Variants in ATL1 observed in about 807,000 individuals in gnomAD.
ATL1 encodes atlastin GTPase 1.
ATL1 carries 31 observed loss-of-function variants against 75.5 expected under a neutral mutation model. The ratio of observed to expected loss-of-function variants is 0.41; its 90% CI spans 0.31 to 0.55. The LOEUF (loss-of-function observed/expected upper bound fraction) is 0.55, where lower values mean the gene tolerates loss of function less well. ATL1 is among the 20% of genes least tolerant of loss of function. The pLI is 0.27. For synonymous variants in ATL1, 226 were observed against 233.3 expected (o/e 0.97, Z 0.28); for missense variants, 405 against 662.6 (o/e 0.61, Z 4.27).
intron 1 of ATL1, among the ~76,000 whole-genome samples, chr14:50,562,549 T>C (rs150929712): frequency 1.3e-5 from 2 of 152,360 alleles, no homozygotes; most frequent in African/African-American, 4.8e-5. Flanking sequence ...AGATGGTCTT[T>C]AGGTGTTACT....
intron 1 of ATL1, among the ~76,000 whole-genome samples, chr14:50,579,931 A>ATT (rs1359214068): frequency 1.3e-5 from 2 of 152,224 alleles, no homozygotes; most frequent in African/African-American, 4.8e-5. Flanking sequence ...ACTTAGATTG[A>ATT]TTACTAGATG....
chr14:50,560,473 A>ACGTAC, intron 1 of ATL1, 174 bp downstream of exon 1: 1 of 826,434 alleles, frequency 1.2e-6, no homozygotes, highest in Non-Finnish European at 1.9e-6. Context: ...GCCGAGCGGT[A>ACGTAC]CCCGCGTCAC....
In ATL1 at chr14:50,621,846, T is replaced by A; in HGVS notation, c.994T>A (p.Tyr332Asn). 6.3e-7 allele frequency: 1 copy of A among 1,575,586 alleles called. No individual in the cohort carries two copies. Among genetic ancestry groups the A allele is most frequent in the South Asian group, 1.1e-5 (1 of 89,732 alleles). The change falls in exon 10 of 14, where the codon TAT becomes AAT. Residue 332 changes from tyrosine to asparagine, a missense_variant. Transcript: ENST00000358385. The stretch of plus-strand genomic sequence containing the variant: ...GAATCTTTTTCTTTTTTTTTAGGCT[T>A]ATATAAAGATCTATCAAGGTGAAGA... ...CRGLVEYFKA[Y>N]IKIYQGEELP...
At chr14:50,622,557 T>C (rs997269133) in intron 10 of ATL1, among the ~76,000 whole-genome samples, 41 of 151,994 alleles carry the variant, frequency 2.7e-4, no homozygotes, top group Admixed American at 2.0e-3. Context: ...TCCCAGCTAC[T>C]TGGGAGGCTG....
At chr14:50,552,734 GACAAA>G (rs901555615) in intron 1 of ATL1, among the ~76,000 whole-genome samples, 1 of 152,064 alleles carries the variant, frequency 6.6e-6, no homozygotes, top group African/African-American at 2.4e-5. Flanking sequence ...ACTGGTCGTC[GACAAA>G]ACAAACAAAA....
intron 1 of ATL1, among the ~76,000 whole-genome samples, chr14:50,586,660 T>C (rs1016563597): frequency 3.2e-4 from 49 of 152,154 alleles, no homozygotes; most frequent in African/African-American, 1.1e-3. Flanking sequence ...AACGAGCCTA[T>C]GTATGTGTTG....
intron 1 of ATL1, among the ~76,000 whole-genome samples, chr14:50,567,561 A>C (rs958081622): frequency 6.6e-6 from 1 of 152,168 alleles, no homozygotes; most frequent in Admixed American, 6.5e-5. Flanking sequence ...CAGAGGTTGT[A>C]CCATTTTATG....
intron 5 of ATL1, among the ~76,000 whole-genome samples, chr14:50,594,214 C>G (rs922534670): frequency 6.6e-6 from 1 of 152,184 alleles, no homozygotes; most frequent in East Asian, 1.9e-4. Context: ...GGGAGGAGCC[C>G]CTTATAAAAC....
chr14:50,616,528 T>A (rs1595616647), intron 8 of ATL1, among the ~76,000 whole-genome samples: 1 of 151,800 alleles, frequency 6.6e-6, no homozygotes, highest in Non-Finnish European at 1.5e-5. Flanking sequence ...GGTTTCACTA[T>A]GCTGCCCAGG....
In ATL1 at chr14:50,632,152, C is replaced by T. The variant is rs75154648; in HGVS notation, c.1567-77C>T. ...TCAACATGCTAAATTTTATACAGTA[C>T]GATAAACTAAAAAGGAAAAAATTTT... On this transcript the variant is annotated intron_variant, in intron 13 of 13. Transcript: ENST00000358385. 3.7e-4 allele frequency: 345 copies of T among 923,824 alleles called. 1 individual carries two copies. The East Asian group carries it at 7.2e-3, about 19-fold the overall frequency. The allele number at this position is 923,824 out of a possible 1,614,324, so 57.2% of individuals were successfully genotyped here. A position where few individuals can be genotyped will look rare whatever the true frequency, so the allele number is the denominator to read the frequency against.
chr14:50,628,183 A>G lies in ATL1; in HGVS notation c.1272A>G (p.Glu424=), dbSNP rs764086024. ...SRRYLQQLES[E]IDELYIQYIK... ...GTTACCTGCAGCAGTTGGAGAGTGA[A>G]ATAGATGAACTTTACATCCAATATA... Residue 424 remains glutamate (E), a synonymous_variant, in exon 12 of 14, where the codon GAA becomes GAG. Coordinates refer to ENST00000358385, the MANE Select transcript of ATL1 (RefSeq NM_015915.5). The G allele has an allele frequency of 6.2e-7, 1 of 1,614,184 alleles. No individual in the cohort carries two copies. The highest frequency in any genetic ancestry group is 1.1e-5 in the South Asian group (1 of 91,084).
At position 50,620,740 on chromosome 14, in the gene ATL1, T is replaced by C. The variant is rs376670614; in HGVS notation, c.990+14T>C. On this transcript the variant is annotated intron_variant, in intron 9 of 13. Transcript: ENST00000358385. Reference sequence around the variant, plus strand: ...GAGTACTTCAAGGTATCACTCTCATTTCTAGAGCATTCGTGGGATAGATTT... The same window carrying C: ...GAGTACTTCAAGGTATCACTCTCATCTCTAGAGCATTCGTGGGATAGATTT... The C allele has an allele frequency of 3.7e-6, 6 of 1,612,068 alleles. No individual in the cohort carries two copies. The African/African-American group carries it at 4.0e-5, about 11-fold the overall frequency.
chr14:50,591,401 T>G (rs2039156593), intron 3 of ATL1, 134 bp from the exon 4 acceptor site: 1 of 660,140 alleles, frequency 1.5e-6, no homozygotes, highest in Admixed American at 2.8e-5. Context: ...GTGGCATTCA[T>G]GGCATGTGTA....
intron 1 of ATL1, 104 bp downstream of exon 1, chr14:50,560,403 G>T: frequency 6.9e-7 from 1 of 1,447,246 alleles, no homozygotes; most frequent in African/African-American, 1.4e-5. Flanking sequence ...AGGTGCCTGC[G>T]TCCACGGCTG....
intron 6 of ATL1, among the ~76,000 whole-genome samples, chr14:50,600,098 A>G (rs904426077): frequency 6.6e-6 from 1 of 152,016 alleles, no homozygotes; most frequent in African/African-American, 2.4e-5. Context: ...AAACCAGAGT[A>G]GGGAACTCCA....
intron 13 of ATL1, among the ~76,000 whole-genome samples, chr14:50,631,577 T>A (rs1344971650): frequency 6.6e-6 from 1 of 152,092 alleles, no homozygotes; most frequent in Non-Finnish European, 1.5e-5. Context: ...TACACAGAGA[T>A]TCCTATGATT....
chr14:50,618,377 C>A (rs1230136685), intron 8 of ATL1, among the ~76,000 whole-genome samples: 1 of 152,002 alleles, frequency 6.6e-6, no homozygotes, highest in African/African-American at 2.4e-5. Flanking sequence ...AACTAAAAAG[C>A]AAACCACAAT....
At chr14:50,553,347 T>A (rs2038726134) in intron 1 of ATL1, among the ~76,000 whole-genome samples, 1 of 150,554 alleles carries the variant, frequency 6.6e-6, no homozygotes, top group African/African-American at 2.4e-5. Flanking sequence ...CAACAAACAT[T>A]GAAAAAATGC....
At chr14:50,564,647 CAAAAAAAAAAAAAAAAAAA>C (rs60054322) in intron 1 of ATL1, among the ~76,000 whole-genome samples, 2 of 40,006 alleles carry the variant, frequency 5.0e-5, no homozygotes, top group East Asian at 7.4e-4. Context: ...GATTCCGTCT[CAAAAAAAAAAAAAAAAAAA>C]AAAAAAAAAA....
Sources: gnomAD v4.1 joint callset for allele counts (sites outside exome capture counted in the v4.1 genomes callset) on GRCh38, gnomAD v4.1.1 for gene constraint, MANE v1.5 for transcripts, NCBI Gene and HGNC (gene_info 2026-07-23, HGNC 2026-07-21) for gene names.